Variants in STEAP3 observed in about 807,000 individuals in gnomAD.
The protein encoded by STEAP3 is STEAP3 metalloreductase.
In STEAP3, 35 loss-of-function variants were observed where a neutral mutation model predicts 34.9. The observed-to-expected ratio is 1.00, with a 90% confidence interval of 0.76 to 1.33. The LOEUF (loss-of-function observed/expected upper bound fraction) is 1.33, where lower values mean the gene tolerates loss of function less well. Among genes scored for constraint, STEAP3 ranks in the 40% most tolerant of loss-of-function variants. STEAP3 has a pLI of 0.00. For missense variants in STEAP3, 652 were observed against 667.6 expected, an observed-to-expected ratio of 0.98 and a Z score of 0.26; for synonymous variants, 281 against 301.6, an observed-to-expected ratio of 0.93 and a Z score of 0.71.
rs192514011 is a variant in STEAP3, at chr2:119,240,879, G to A, written c.23-4610G>A. The stretch of plus-strand genomic sequence containing the variant: ...GTTAGTCACACCCTCACCTCAGGCC[G>A]CAGGGACAGGCCTCTGGGACTTCCA... On this transcript the variant is annotated intron_variant, in intron 2 of 5. Coordinates refer to ENST00000393110, the MANE Select transcript of STEAP3 (RefSeq NM_182915.3). Among the ~76,000 whole-genome samples, 754 of 152,222 alleles carry A rather than the reference G, an allele frequency of 5.0e-3. 11 individuals are homozygous for A. The highest frequency in any genetic ancestry group is 0.017 in the African/African-American group (711 of 41,520).
intron 2 of STEAP3, among the ~76,000 whole-genome samples, chr2:119,231,579 T>C (rs1214566892): frequency 6.6e-6 from 1 of 152,184 alleles, no homozygotes; most frequent in Non-Finnish European, 1.5e-5. Context: ...TCATTCACTT[T>C]TATTTTGCAC....
intron 1 of STEAP3, among the ~76,000 whole-genome samples, chr2:119,225,709 A>G (rs190526244): frequency 6.0e-4 from 92 of 152,344 alleles, no homozygotes; most frequent in African/African-American, 2.1e-3. Context: ...GAGTGGGCAA[A>G]AGGTCGCTGG....
chr2:119,250,318 G>A (rs1677583976), intron 4 of STEAP3, among the ~76,000 whole-genome samples: 1 of 152,230 alleles, frequency 6.6e-6, no homozygotes, highest in Non-Finnish European at 1.5e-5. Flanking sequence ...AGGCCTGAAG[G>A]CTAGAGGCTG....
rs763118220 is a variant in STEAP3 at position 119,248,084 on chromosome 2, C to T, written c.928C>T (p.Gln310Ter). The T allele has an allele frequency of 3.1e-6, 5 of 1,608,308 alleles. No individual in the cohort carries two copies. The highest frequency in any genetic ancestry group is 4.5e-5 in the East Asian group (2 of 44,874). ...RFPDWLDHWL[Q>*]HRKQIGLLSF... The stretch of plus-strand genomic sequence containing the variant: ...CCCCGACTGGCTGGACCACTGGCTA[C>T]AGCACCGCAAGCAGATCGGGCTGCT... The change falls in exon 4 of 6, where the codon CAG (glutamine) becomes TAG (stop). Residue 310 changes from glutamine to a stop codon, truncating the protein, a stop_gained. Transcript: ENST00000393110. LOFTEE classifies it high-confidence loss of function.
intron 1 of STEAP3, among the ~76,000 whole-genome samples, chr2:119,229,201 G>T (rs1679140262): frequency 6.6e-6 from 1 of 152,178 alleles, no homozygotes. Context: ...GGAGTACAGT[G>T]GTGCCATCTC....
chr2:119,260,955 G>A (rs1373111474), intron 5 of STEAP3, among the ~76,000 whole-genome samples: 1 of 152,222 alleles, frequency 6.6e-6, no homozygotes, highest in Non-Finnish European at 1.5e-5. Context: ...GATAGAGAAG[G>A]TTTTATTTGG....
intron 2 of STEAP3, among the ~76,000 whole-genome samples, chr2:119,239,801 T>A (rs1677193216): frequency 6.6e-6 from 1 of 152,100 alleles, no homozygotes; most frequent in South Asian, 2.1e-4. Context: ...GTCTCCAGGG[T>A]GTGTGTGCAC....
At chr2:119,233,254 G>A (rs1259313526) in intron 2 of STEAP3, among the ~76,000 whole-genome samples, 1 of 152,184 alleles carries the variant, frequency 6.6e-6, no homozygotes, top group Non-Finnish European at 1.5e-5. Flanking sequence ...CCCCATACCA[G>A]GCTGCACCTC....
intron 1 of STEAP3, among the ~76,000 whole-genome samples, chr2:119,226,118 G>A (rs1679032943): frequency 6.6e-6 from 1 of 152,226 alleles, no homozygotes; most frequent in Admixed American, 6.5e-5. Context: ...TCCCAGCTCA[G>A]TCTCAGCTGA....
intron 3 of STEAP3, chr2:119,246,357 T>C (rs940391794): frequency 8.2e-6 from 2 of 242,750 alleles, no homozygotes; most frequent in East Asian, 1.9e-4. Context: ...AACACACTTA[T>C]GTACCCGGCC....
Position 119,245,514 on chromosome 2 carries a change from C to T in STEAP3, c.48C>T (p.Asp16=), listed in dbSNP as rs202057547. Reference sequence around the variant, plus strand: ...CCACCAAAATGCCAGAAGAGATGGACAAGCCACTGATCAGCCTCCACCTGG... The same window carrying T: ...CCACCAAAATGCCAGAAGAGATGGATAAGCCACTGATCAGCCTCCACCTGG... ...AVATKMPEEM[D]KPLISLHLVD... is the part of the protein sequence containing the mutation. The change falls in exon 3 of 6, where the codon GAC becomes GAT. Residue 16 remains aspartate (D), a synonymous_variant. Transcript: ENST00000393110. The T allele has an allele frequency of 1.9e-6, 3 of 1,577,112 alleles. No homozygotes were observed. Among genetic ancestry groups the T allele is most frequent in the Non-Finnish European group, 2.6e-6 (3 of 1,157,150 alleles).
intron 2 of STEAP3, chr2:119,245,145 T>C (rs973315013): frequency 2.1e-5 from 6 of 279,168 alleles, no homozygotes; most frequent in African/African-American, 1.3e-4. Flanking sequence ...CTAATCCTTT[T>C]GAAAAGAAGT....
At position 119,245,604 on chromosome 2, in the gene STEAP3, C is replaced by T. The variant is rs764890933; in HGVS notation, c.138C>T (p.Ser46=). ...CCCCCAAAGTGGGCATCCTGGGTAG[C>T]GGGGACTTTGCCCGCTCCCTGGCCA... ...DEAPKVGILG[S]GDFARSLATR... Residue 46 remains serine, a synonymous_variant, in exon 3 of 6, where the codon AGC becomes AGT. Transcript: ENST00000393110. The T allele has an allele frequency of 2.5e-5, 41 of 1,609,188 alleles. No individual in the cohort carries two copies. The highest frequency in any genetic ancestry group is 1.7e-4 in the Middle Eastern group (1 of 6,054).
At position 119,251,338 on chromosome 2, in the gene STEAP3, A is replaced by C. The variant is rs547248003; in HGVS notation, c.1050+3132A>C. Among the ~76,000 whole-genome samples the C allele has an allele frequency of 3.3e-5, 5 of 152,324 alleles. No homozygotes were observed. The East Asian group carries it at 9.6e-4, about 29-fold the overall frequency. On this transcript the variant is annotated intron_variant, in intron 4 of 5. Coordinates refer to ENST00000393110, the MANE Select transcript of STEAP3 (RefSeq NM_182915.3). ...GATTTCCTTACAGCCCTGAGTCTGC[A>C]GATTAGGAGGCAAAGGTGTATGCCA...
At chr2:119,235,423 A>G (rs920949750) in intron 2 of STEAP3, among the ~76,000 whole-genome samples, 1 of 152,208 alleles carries the variant, frequency 6.6e-6, no homozygotes, top group Admixed American at 6.5e-5. Flanking sequence ...AGGGAAAAAA[A>G]AAGTCAAAAC....
chr2:119,258,810 G>C (rs1677857594), intron 5 of STEAP3, among the ~76,000 whole-genome samples: 1 of 144,258 alleles, frequency 6.9e-6, no homozygotes, highest in African/African-American at 2.6e-5. Context: ...TTTTAGTAGA[G>C]ATGGGGTTTC....
rs4849771 is a variant in STEAP3, at chr2:119,265,612, A to G, written c.*2274A>G. ...GTTTTTTTTTTTTAACCTGGTAGAC[A>G]GTATAAAAGCAGTGCAAATAAACAC... On this transcript the variant is annotated 3_prime_UTR_variant, in exon 6 of 6. Transcript: ENST00000393110. 0.93 allele frequency: 141,094 copies of G among 152,088 alleles called. 65,487 individuals are homozygous for G. Among genetic ancestry groups the G allele is most frequent in the East Asian group, 1 (5,163 of 5,168 alleles). 9.4% of individuals were successfully genotyped at this position (152,088 alleles called of 1,614,324 possible). A position where few individuals can be genotyped will look rare whatever the true frequency, so the allele number is the denominator to read the frequency against.
rs906442169 is a variant in STEAP3 at position 119,263,568 on chromosome 2, A to T, written c.*230A>T. ...TATATAACAGGATTTGCAATTATAC[A>T]TAGCTAGCTAAAAAGTTGGGTCTCT... On this transcript the variant is annotated 3_prime_UTR_variant, in exon 6 of 6. Coordinates refer to ENST00000393110, the MANE Select transcript of STEAP3 (RefSeq NM_182915.3). The T allele has an allele frequency of 1.6e-6, 1 of 632,888 alleles. No individual in the cohort carries two copies. Among genetic ancestry groups the T allele is most frequent in the African/African-American group, 1.8e-5 (1 of 54,256 alleles). The allele number at this position is 632,888 out of a possible 1,614,324, so 39.2% of individuals were successfully genotyped here. A position where few individuals can be genotyped will look rare whatever the true frequency, so the allele number is the denominator to read the frequency against.
Position 119,245,694 on chromosome 2 carries a change from G to T in STEAP3, c.228G>T (p.Arg76Ser). 6.2e-7 allele frequency: 1 copy of T among 1,614,140 alleles called. No homozygotes were observed. Among genetic ancestry groups the T allele is most frequent in the African/African-American group, 1.3e-5 (1 of 75,068 alleles). The change falls in exon 3 of 6, where the codon AGG (arginine) becomes AGT (serine). Residue 76 changes from arginine (R) to serine (S), a missense_variant. By Grantham distance (110) the Arg-to-Ser change is moderately radical. Transcript: ENST00000393110. ...GCCGCAACCCCAAACGCACAGCCAG[G>T]CTGTTTCCCTCAGCGGCCCAAGTGA... ...VGSRNPKRTARLFPSAAQVTF... is the reference protein window; with the variant it reads ...VGSRNPKRTASLFPSAAQVTF...
Sources: gnomAD v4.1 joint callset for allele counts (sites outside exome capture counted in the v4.1 genomes callset) on GRCh38, gnomAD v4.1.1 for gene constraint, MANE v1.5 for transcripts, NCBI Gene and HGNC (gene_info 2026-07-23, HGNC 2026-07-21) for gene names.